Variants in RBMS3 observed in about 807,000 individuals in gnomAD.
The protein encoded by RBMS3 is RNA binding motif single stranded interacting protein 3, also known as RNA-binding motif, single-stranded-interacting protein 3.
In RBMS3, 27 loss-of-function variants were observed where a neutral mutation model predicts 66.8. The ratio of observed to expected loss-of-function variants is 0.40; its 90% CI spans 0.30 to 0.56. The LOEUF (loss-of-function observed/expected upper bound fraction) is 0.56. Ranked by LOEUF, RBMS3 falls within the 20% of genes least tolerant of loss-of-function variation. The probability of loss-of-function intolerance (pLI) is 0.40; values close to 1 mark genes in which losing one functional copy is unlikely to be tolerated. For synonymous variants in RBMS3, 188 were observed against 183.0 expected (o/e 1.03, Z -0.22); for missense variants, 513 against 549.5 (o/e 0.93, Z 0.66).
chr3:29,397,940 A>T (rs1032426473), intron 1 of RBMS3, among the ~76,000 whole-genome samples: 3 of 152,198 alleles, frequency 2.0e-5, no homozygotes, highest in African/African-American at 7.2e-5. Context: ...AATAAATAAA[A>T]GATGCTTCCA....
chr3:29,334,778 G>A (rs931672726), intron 1 of RBMS3, among the ~76,000 whole-genome samples: 2 of 152,138 alleles, frequency 1.3e-5, no homozygotes, highest in African/African-American at 4.8e-5. Flanking sequence ...ATATGGCTTG[G>A]CAGTGTATTG....
intron 3 of RBMS3, among the ~76,000 whole-genome samples, chr3:29,529,375 G>A (rs928897265): frequency 6.6e-6 from 1 of 151,898 alleles, no homozygotes; most frequent in Non-Finnish European, 1.5e-5. Flanking sequence ...ATGGAGAGAG[G>A]CAAAATTTGG....
At chr3:29,306,482 A>G (rs1009958631) in intron 1 of RBMS3, among the ~76,000 whole-genome samples, 7 of 151,982 alleles carry the variant, frequency 4.6e-5, no homozygotes, top group African/African-American at 1.7e-4. Context: ...TTGACTAATA[A>G]GAATCAATTA....
intron 4 of RBMS3, among the ~76,000 whole-genome samples, chr3:29,608,401 G>A (rs368363551): frequency 6.6e-6 from 1 of 151,840 alleles, no homozygotes. Context: ...TTAAAGATAA[G>A]GCATAACACA....
At chr3:29,947,887 T>C (rs933131709) in intron 12 of RBMS3, among the ~76,000 whole-genome samples, 5 of 151,056 alleles carry the variant, frequency 3.3e-5, no homozygotes, top group South Asian at 4.2e-4. Context: ...CTACTATCAC[T>C]AGAGAACTAA....
chr3:29,456,749 G>C (rs927675741), intron 2 of RBMS3, among the ~76,000 whole-genome samples: 2 of 152,134 alleles, frequency 1.3e-5, no homozygotes, highest in Non-Finnish European at 2.9e-5. Flanking sequence ...TCATCTTTAA[G>C]TAAGTGTGTT....
intron 2 of RBMS3, among the ~76,000 whole-genome samples, chr3:29,473,973 G>A (rs192595717): frequency 2.7e-3 from 411 of 152,360 alleles, no homozygotes; most frequent in Non-Finnish European, 4.6e-3. Context: ...GGGCTGAAGA[G>A]CTCCTCAAGC....
At chr3:29,516,408 A>G (rs1352972446) in intron 3 of RBMS3, among the ~76,000 whole-genome samples, 1 of 152,196 alleles carries the variant, frequency 6.6e-6, no homozygotes, top group Non-Finnish European at 1.5e-5. Flanking sequence ...ATAGAGTGGC[A>G]TAAAGCCTGA....
chr3:29,483,584 A>G lies in RBMS3; in HGVS notation c.249-4857A>G, dbSNP rs544380110. ...TAAGAGGTTCTGCTGCCCGTTAAACATGGAGAACCACTTACTTTGAGTATA... is the reference window on the plus strand; with the variant it reads ...TAAGAGGTTCTGCTGCCCGTTAAACGTGGAGAACCACTTACTTTGAGTATA... On this transcript the variant is annotated intron_variant, in intron 2 of 14. Coordinates refer to ENST00000383767, the MANE Select transcript of RBMS3 (RefSeq NM_001003793.3). Among the ~76,000 whole-genome samples the G allele has an allele frequency of 1.4e-4, 21 of 152,274 alleles. No individual in the cohort carries two copies. In the South Asian group the frequency reaches 3.9e-3, roughly 29 times the overall value.
chr3:29,367,707 A>C (rs892832727), intron 1 of RBMS3, among the ~76,000 whole-genome samples: 6 of 152,178 alleles, frequency 3.9e-5, no homozygotes, highest in African/African-American at 1.4e-4. Context: ...AAGAACATGT[A>C]TCACTCTTAG....
intron 1 of RBMS3, among the ~76,000 whole-genome samples, chr3:29,343,858 CT>C (rs1185115233): frequency 6.6e-6 from 1 of 152,198 alleles, no homozygotes; most frequent in Non-Finnish European, 1.5e-5. Flanking sequence ...TTTTGCTATG[CT>C]ATGTAGCAGA....
intron 1 of RBMS3, among the ~76,000 whole-genome samples, chr3:29,306,411 C>T (rs892847966): frequency 3.3e-5 from 5 of 151,936 alleles, no homozygotes; most frequent in Admixed American, 3.3e-4. Context: ...AGAAGCTTGC[C>T]TCTTCAGATT....
At chr3:29,468,296 G>A (rs532925357) in intron 2 of RBMS3, among the ~76,000 whole-genome samples, 100 of 152,278 alleles carry the variant, frequency 6.6e-4, no homozygotes, top group African/African-American at 2.3e-3. Flanking sequence ...TCTGGCTTCT[G>A]TGGTGGCAGA....
chr3:29,976,197 T>A (rs983269749), intron 12 of RBMS3, among the ~76,000 whole-genome samples: 14 of 152,194 alleles, frequency 9.2e-5, no homozygotes, highest in African/African-American at 3.1e-4. Flanking sequence ...TCTCTGTATT[T>A]CTTTTTTAAT....
chr3:29,900,286 A>T lies in RBMS3; in HGVS notation c.939+531A>T, dbSNP rs1391213367. Among the ~76,000 whole-genome samples the T allele has an allele frequency of 2.0e-5, 3 of 151,854 alleles. No individual in the cohort carries two copies. The East Asian group carries it at 5.8e-4, about 30-fold the overall frequency. On this transcript the variant is annotated intron_variant, in intron 10 of 14. Coordinates refer to ENST00000383767, the MANE Select transcript of RBMS3 (RefSeq NM_001003793.3). The stretch of plus-strand genomic sequence containing the variant: ...AAGGTAGTTGTCTGCTAATAGATGA[A>T]TTTATATAGATAGATGGCAAGGTGT...
chr3:29,987,198 AT>A (rs1382757474), intron 12 of RBMS3, among the ~76,000 whole-genome samples: 4 of 152,172 alleles, frequency 2.6e-5, no homozygotes, highest in African/African-American at 4.8e-5. Context: ...ACTTGTCTTT[AT>A]TTGATGATTC....
intron 3 of RBMS3, among the ~76,000 whole-genome samples, chr3:29,572,556 T>G (rs183181461): frequency 1.4e-3 from 212 of 152,366 alleles, no homozygotes; most frequent in Non-Finnish European, 2.4e-3. Flanking sequence ...TTTGTTGATA[T>G]GTTGTATCAC....
intron 5 of RBMS3, among the ~76,000 whole-genome samples, chr3:29,761,764 A>G (rs920479261): frequency 2.0e-5 from 3 of 152,162 alleles, no homozygotes. Flanking sequence ...ACTTGAGTTG[A>G]TGGGCACCAT....
At chr3:29,796,070 A>G (rs1413709101) in intron 6 of RBMS3, among the ~76,000 whole-genome samples, 1 of 152,224 alleles carries the variant, frequency 6.6e-6, no homozygotes, top group Admixed American at 6.5e-5. Context: ...AATAAAGCAA[A>G]TATCACAAGA....
Sources: allele counts gnomAD v4.1 joint callset (sites outside exome capture counted in the v4.1 genomes callset), GRCh38; gene constraint gnomAD v4.1.1; transcripts MANE v1.5; gene names NCBI Gene and HGNC (gene_info 2026-07-23, HGNC 2026-07-21).